The following MRPS18B variants were observed in gnomAD, a reference collection of about 807,000 sequenced individuals.
MRPS18B encodes the protein small ribosomal subunit protein mS40.
In MRPS18B, 27 loss-of-function variants were observed where a neutral mutation model predicts 28.4. The ratio of observed to expected loss-of-function variants is 0.95; its 90% CI spans 0.70 to 1.31. The LOEUF is 1.31. Ranked by LOEUF, MRPS18B falls within the 40% of genes most tolerant of loss-of-function variation. The pLI, the probability that MRPS18B is intolerant of heterozygous loss-of-function variation, is 0.00. For synonymous variants in MRPS18B, 118 were observed against 123.7 expected, an observed-to-expected ratio of 0.95 and a Z score of 0.30; for missense variants, 343 against 335.9, an observed-to-expected ratio of 1.02 and a Z score of -0.17.
chr6:30,621,338 G>T (rs1260385854), intron 4 of MRPS18B, among the ~76,000 whole-genome samples: 1 of 152,188 alleles, frequency 6.6e-6, no homozygotes, highest in African/African-American at 2.4e-5. Context: ...GGAGGCGGAG[G>T]TTGCAGTGAG....
intron 3 of MRPS18B, 28 bp from the exon 4 acceptor site, chr6:30,619,893 T>G: frequency 6.2e-7 from 1 of 1,613,526 alleles, no homozygotes; most frequent in South Asian, 1.1e-5. Flanking sequence ...TTGAACATCC[T>G]TAACTGCTGT....
intron 5 of MRPS18B, 143 bp downstream of exon 5, chr6:30,623,041 T>C (rs1335232197): frequency 6.1e-5 from 49 of 808,668 alleles, no homozygotes; most frequent in Non-Finnish European, 9.8e-5. Flanking sequence ...CTTGGCTTGC[T>C]GGGGGCTAAA....
In MRPS18B at chr6:30,622,888, T is replaced by G. The variant is rs547858965; in HGVS notation, c.411T>G (p.Ala137=). 11 of 1,613,022 alleles carry G rather than the reference T, an allele frequency of 6.8e-6. No individual in the cohort carries two copies. The African/African-American group carries it at 1.5e-4, about 21-fold the overall frequency. ...VCAHTGIIFY[A]PYTGVCVKQH... is the part of the protein sequence containing the mutation. ...CCCACACGGGTATCATCTTCTATGC[T>G]CCATACACAGGTTAGCCCATCATCC... The change falls in exon 5 of 7, where the codon GCT becomes GCG. Residue 137 remains alanine, a synonymous_variant. Transcript: ENST00000259873.
chr6:30,621,115 A>G (rs1177196623), intron 4 of MRPS18B, among the ~76,000 whole-genome samples: 1 of 152,212 alleles, frequency 6.6e-6, no homozygotes, highest in African/African-American at 2.4e-5. Flanking sequence ...ATTTGAAAAC[A>G]TATTGGCTGG....
chr6:30,619,631 G>A, intron 2 of MRPS18B, 30 bp downstream of exon 2: 2 of 1,609,270 alleles, frequency 1.2e-6, no homozygotes, highest in Non-Finnish European at 1.7e-6. Flanking sequence ...GGGAGGGTCA[G>A]ATAGGATTTG....
At position 30,625,827 on chromosome 6, in the gene MRPS18B, G is replaced by A. The variant is rs748208549; in HGVS notation, c.*30G>A. 1.6e-5 allele frequency: 25 copies of A among 1,578,796 alleles called. No homozygotes were observed. The South Asian group carries it at 1.8e-4, about 11-fold the overall frequency. ...TGTAGACTGGGAAGAGAGGCCAGGC[G>A]TGGTGGCTCACTCCTGTAATCCCAG... On this transcript the variant is annotated 3_prime_UTR_variant, in exon 7 of 7. Transcript: ENST00000259873.
At position 30,617,955 on chromosome 6, in the gene MRPS18B, A is replaced by C; in HGVS notation, c.78+12A>C. 2 of 1,614,060 alleles carry C rather than the reference A, an allele frequency of 1.2e-6. No individual in the cohort carries two copies. Among genetic ancestry groups the C allele is most frequent in the Non-Finnish European group, 1.7e-6 (2 of 1,179,952 alleles). ...CTCACAGAGTTCAGGTAACTCTTCGAAAGACATTTTGCACAACCTCAAGTT... is the reference window on the plus strand; with the variant it reads ...CTCACAGAGTTCAGGTAACTCTTCGCAAGACATTTTGCACAACCTCAAGTT... On this transcript the variant is annotated intron_variant, in intron 1 of 6. Transcript: ENST00000259873.
chr6:30,625,448 C>A, intron 6 of MRPS18B, 54 bp from the exon 7 acceptor site: 1 of 1,462,038 alleles, frequency 6.8e-7, no homozygotes, highest in Non-Finnish European at 9.2e-7. Flanking sequence ...CTTACTTCAT[C>A]TAAACCACCC....
Position 30,626,095 on chromosome 6 carries a change from TCA to T in MRPS18B, c.*299_*300del. The T allele has an allele frequency of 7.8e-6, 2 of 257,286 alleles. No individual in the cohort carries two copies. Among genetic ancestry groups the T allele is most frequent in the African/African-American group, 2.7e-5 (1 of 36,532 alleles). 15.9% of individuals were successfully genotyped at this position (257,286 alleles called of 1,614,324 possible). A position where few individuals can be genotyped will look rare whatever the true frequency, so the allele number is the denominator to read the frequency against. On this transcript the variant is annotated 3_prime_UTR_variant, in exon 7 of 7. Transcript: ENST00000259873. ...GCCTGGGTGACAGCTAGACCCTGTC[TCA>T]AAAAAAAAAAAAAAGACTGGGAAGA...
At chr6:30,620,535 T>C (rs1761090474) in intron 4 of MRPS18B, among the ~76,000 whole-genome samples, 1 of 151,976 alleles carries the variant, frequency 6.6e-6, no homozygotes, top group African/African-American at 2.4e-5. Context: ...CCTATGCCTA[T>C]GAAATTTACA....
In MRPS18B at chr6:30,624,879, A is replaced by G; in HGVS notation, c.422-4A>G. The G allele has an allele frequency of 6.2e-7, 1 of 1,612,892 alleles. No homozygotes were observed. The highest frequency in any genetic ancestry group is 8.5e-7 in the Non-Finnish European group (1 of 1,179,866). ...TAAAGAACAAGATATTTTTCTCCCC[A>G]CAGGAGTCTGTGTGAAGCAGCACAA... On this transcript the variant is annotated splice_polypyrimidine_tract_variant and splice_region_variant and intron_variant, in intron 5 of 6. Transcript: ENST00000259873.
rs1761008368 is a variant in MRPS18B at position 30,619,612 on chromosome 6, A to G, written c.187+11A>G. 1 of 1,611,126 alleles carries G rather than the reference A, an allele frequency of 6.2e-7. No individual in the cohort carries two copies. The highest frequency in any genetic ancestry group is 1.3e-5 in the African/African-American group (1 of 74,874). On this transcript the variant is annotated intron_variant, in intron 2 of 6. Coordinates refer to ENST00000259873, the MANE Select transcript of MRPS18B (RefSeq NM_014046.4). Reference sequence around the variant, plus strand: ...ATCTGGAATCAGAAGGTACCTCTAAAGGGGGAAAGGGAGGGTCAGATAGGA... The same window carrying G: ...ATCTGGAATCAGAAGGTACCTCTAAGGGGGGAAAGGGAGGGTCAGATAGGA...
At chr6:30,625,360 G>A (rs527942204) in intron 6 of MRPS18B, 142 bp from the exon 7 acceptor site, 645 of 850,204 alleles carry the variant, frequency 7.6e-4, no homozygotes, top group Non-Finnish European at 1.1e-3. Flanking sequence ...CCTCTGGGCC[G>A]GTCACCTGTT....
chr6:30,622,684 G>A (rs1389052353), intron 4 of MRPS18B, 148 bp from the exon 5 acceptor site: 2 of 684,764 alleles, frequency 2.9e-6, no homozygotes, highest in Non-Finnish European at 5.2e-6. Context: ...GCCAAACTGG[G>A]ACATGAAGGA....
At chr6:30,623,022 T>A (rs1409447690) in intron 5 of MRPS18B, 124 bp downstream of exon 5, 1 of 961,682 alleles carries the variant, frequency 1.0e-6, no homozygotes, top group East Asian at 2.6e-5. Flanking sequence ...GGCTGAACCT[T>A]TTGGAAATCT....
chr6:30,622,925 G>A, intron 5 of MRPS18B, 27 bp downstream of exon 5: 1 of 1,607,946 alleles, frequency 6.2e-7, no homozygotes, highest in Non-Finnish European at 8.5e-7. Context: ...TGCACCACCA[G>A]AGAGCTTTTC....
rs569691423 is a variant in MRPS18B, at chr6:30,625,026, C to T, written c.481+84C>T. The T allele has an allele frequency of 1.2e-5, 18 of 1,471,348 alleles. No homozygotes were observed. In the East Asian group the frequency reaches 2.3e-4, roughly 19 times the overall value. The allele number at this position is 1,471,348 out of a possible 1,614,324, so 91.1% of individuals were successfully genotyped here. A position where few individuals can be genotyped will look rare whatever the true frequency, so the allele number is the denominator to read the frequency against. ...GCTAGAAAATGGATATAAATGCTCA[C>T]ACCTGTTCAAGATGGTAGCACCCAG... On this transcript the variant is annotated intron_variant, in intron 6 of 6. Coordinates refer to ENST00000259873, the MANE Select transcript of MRPS18B (RefSeq NM_014046.4).
intron 1 of MRPS18B, 140 bp downstream of exon 1, chr6:30,618,083 C>G (rs1378726849): frequency 5.6e-5 from 45 of 804,244 alleles, no homozygotes; most frequent in Middle Eastern, 3.5e-4. Flanking sequence ...TGCAACCCCC[C>G]CCCCACACCC....
chr6:30,618,810 C>T (rs1304388603), intron 1 of MRPS18B, among the ~76,000 whole-genome samples: 10 of 152,186 alleles, frequency 6.6e-5, no homozygotes, highest in Non-Finnish European at 1.5e-5. Context: ...GCATCCCCTC[C>T]CCACCACACA....
Sources: gnomAD v4.1 joint callset for allele counts (sites outside exome capture counted in the v4.1 genomes callset) on GRCh38, gnomAD v4.1.1 for gene constraint, MANE v1.5 for transcripts, NCBI Gene and HGNC (gene_info 2026-07-23, HGNC 2026-07-21) for gene names.